Variants in SPTA1 observed in about 807,000 individuals in gnomAD.
SPTA1 encodes spectrin alpha chain, erythrocytic 1.
SPTA1 carries 177 observed loss-of-function variants against 324.7 expected under a neutral mutation model. That is an observed-to-expected ratio of 0.55 (90% CI 0.48 to 0.62). SPTA1 has a LOEUF of 0.62. Ranked by LOEUF, SPTA1 falls within the 20% of genes least tolerant of loss-of-function variation. The pLI is 0.00. For missense variants in SPTA1, 3,162 were observed against 2,883.6 expected (o/e 1.10, Z -2.21); for synonymous variants, 1,195 against 1,041.3 (o/e 1.15, Z -2.84).
intron 47 of SPTA1, among the ~76,000 whole-genome samples, chr1:158,616,279 T>C (rs1381848782): frequency 6.6e-6 from 1 of 152,214 alleles, no homozygotes; most frequent in African/African-American, 2.4e-5. Flanking sequence ...CTTCTAGCTA[T>C]TTTAAAATAT....
chr1:158,671,280 G>T, intron 12 of SPTA1, 63 bp downstream of exon 12: 1 of 1,167,374 alleles, frequency 8.6e-7, no homozygotes, highest in Non-Finnish European at 1.3e-6. Flanking sequence ...CTGGGGACAG[G>T]TATTGTGTAA....
chr1:158,677,838 C>A lies in SPTA1; in HGVS notation c.813-4G>T. On this transcript the variant is annotated splice_region_variant and splice_polypyrimidine_tract_variant and intron_variant, in intron 6 of 51. Coordinates refer to ENST00000643759, the MANE Select transcript of SPTA1 (RefSeq NM_003126.4). ...CTGGATGGCTTCAGTCACATCCCTG[C>A]AGTCATTAACAAGAGCTCCAACCAA... 2 of 1,613,520 alleles carry A rather than the reference C, an allele frequency of 1.2e-6. No homozygotes were observed. Among genetic ancestry groups the A allele is most frequent in the South Asian group, 2.2e-5 (2 of 91,060 alleles).
chr1:158,674,450 T>G lies in SPTA1; in HGVS notation c.1249-20A>C. ...CTCATGCTGTGGCCACAAAACAAAG[T>G]GTCTCAAAATGCAGCAAGAAACCTG... is the stretch of plus-strand genomic sequence containing the variant. On this transcript the variant is annotated intron_variant, in intron 9 of 51. Transcript: ENST00000643759. The G allele has an allele frequency of 6.2e-7, 1 of 1,613,996 alleles. No individual in the cohort carries two copies. Among genetic ancestry groups the G allele is most frequent in the Non-Finnish European group, 8.5e-7 (1 of 1,179,946 alleles).
At position 158,661,574 on chromosome 1, in the gene SPTA1, T is replaced by C. The variant is rs932102377; in HGVS notation, c.2465-165A>G. 4.7e-6 allele frequency: 4 copies of C among 859,204 alleles called. No homozygotes were observed. The African/African-American group carries it at 5.1e-5, about 11-fold the overall frequency. 53.2% of individuals were successfully genotyped at this position (859,204 alleles called of 1,614,324 possible). The stretch of plus-strand genomic sequence containing the variant: ...CATCTGTCTGATTTCACTCTACTTA[T>C]CTTTGTTCTTCCCCTGGCCTCTTTT... On this transcript the variant is annotated intron_variant, in intron 17 of 51. Coordinates refer to ENST00000643759, the MANE Select transcript of SPTA1 (RefSeq NM_003126.4).
chr1:158,683,890 G>C (rs781296256), intron 2 of SPTA1, among the ~76,000 whole-genome samples: 1 of 151,784 alleles, frequency 6.6e-6, no homozygotes, highest in Non-Finnish European at 1.5e-5. Context: ...GCCTGTTCTT[G>C]TAATCTATAA....
chr1:158,679,319 A>G (rs1274248031), intron 5 of SPTA1, among the ~76,000 whole-genome samples: 1 of 152,130 alleles, frequency 6.6e-6, no homozygotes, highest in Non-Finnish European at 1.5e-5. Context: ...TATTCTTTCT[A>G]TGATAGATTG....
At chr1:158,615,123 T>C in intron 48 of SPTA1, 93 bp downstream of exon 48, 1 of 1,451,870 alleles carries the variant, frequency 6.9e-7, no homozygotes, top group Non-Finnish European at 9.6e-7. Flanking sequence ...AGCAACTCTT[T>C]TATCTGGTGC....
intron 47 of SPTA1, among the ~76,000 whole-genome samples, chr1:158,615,871 A>C (rs1320290033): frequency 1.3e-5 from 2 of 152,164 alleles, no homozygotes; most frequent in African/African-American, 4.8e-5. Flanking sequence ...CTTAAGCTCC[A>C]CAGTGTTCAC....
chr1:158,635,321 C>T (rs970797014), intron 38 of SPTA1, among the ~76,000 whole-genome samples: 8 of 152,024 alleles, frequency 5.3e-5, no homozygotes, highest in Non-Finnish European at 8.8e-5. Flanking sequence ...TCCCCGCCCC[C>T]GCCCGCTCCC....
At chr1:158,644,010 G>A (rs1651809918) in intron 30 of SPTA1, among the ~76,000 whole-genome samples, 1 of 151,800 alleles carries the variant, frequency 6.6e-6, no homozygotes, top group Non-Finnish European at 1.5e-5. Context: ...GGTGGTGGGT[G>A]TCTGTAATCC....
At chr1:158,643,121 G>T in intron 31 of SPTA1, 145 bp from the exon 32 acceptor site, 1 of 1,315,510 alleles carries the variant, frequency 7.6e-7, no homozygotes, top group Non-Finnish European at 1.1e-6. Flanking sequence ...CAGTGCTAAA[G>T]CCAGTTAATT....
chr1:158,666,580 G>T, intron 15 of SPTA1, 83 bp from the exon 16 acceptor site: 2 of 1,187,764 alleles, frequency 1.7e-6, no homozygotes, highest in Non-Finnish European at 2.4e-6. Flanking sequence ...CCAATTGAAG[G>T]ATCAATATAG....
At chr1:158,659,399 T>C (rs1653041683) in intron 18 of SPTA1, among the ~76,000 whole-genome samples, 2 of 151,904 alleles carry the variant, frequency 1.3e-5, no homozygotes, top group South Asian at 4.2e-4. Flanking sequence ...CAAAATATCT[T>C]TTGCTTATAT....
chr1:158,639,309 TA>T (rs780909227), intron 35 of SPTA1: 12 of 463,696 alleles, frequency 2.6e-5, no homozygotes, highest in Non-Finnish European at 4.7e-5. Context: ...ACAATTGGCT[TA>T]TATGTATGCA....
At chr1:158,676,423 T>A in intron 7 of SPTA1, 128 bp from the exon 8 acceptor site, 3 of 959,206 alleles carry the variant, frequency 3.1e-6, no homozygotes, top group Non-Finnish European at 4.7e-6. Context: ...TGAATAGATT[T>A]CTATTAATAT....
Position 158,685,254 on chromosome 1 carries a change from C to A in SPTA1, c.118G>T (p.Glu40Ter). Residue 40 changes from glutamate to a stop codon, truncating the protein, a stop_gained, in exon 2 of 52, where the codon GAG (glutamate) becomes TAG (stop). Transcript: ENST00000643759. LOFTEE classifies it high-confidence loss of function. ...EVLTRYQSFK[E>*]RVAERGQKLE... ...TTCTGACCCCTCTCAGCGACCCGCT[C>A]CTTGAAACTTTGATACCGAGTCAAC... is the stretch of plus-strand genomic sequence containing the variant. 1 of 1,613,746 alleles carries A rather than the reference C, an allele frequency of 6.2e-7. No homozygotes were observed. The highest frequency in any genetic ancestry group is 8.5e-7 in the Non-Finnish European group (1 of 1,179,798).
intron 8 of SPTA1, 124 bp from the exon 9 acceptor site, chr1:158,674,799 C>A: frequency 7.6e-7 from 1 of 1,323,080 alleles, no homozygotes; most frequent in Non-Finnish European, 1.1e-6. Context: ...CCTAGGTTCC[C>A]TTTTTCCTGA....
At chr1:158,627,776 T>C (rs1030123745) in intron 39 of SPTA1, 53 bp from the exon 40 acceptor site, 1 of 1,533,674 alleles carries the variant, frequency 6.5e-7, no homozygotes, top group Non-Finnish European at 9.0e-7. Context: ...AAAATCTATA[T>C]TCACTCATAT....
chr1:158,643,414 G>T lies in SPTA1; in HGVS notation c.4350C>A (p.Ile1450=), dbSNP rs757971123. Residue 1450 remains isoleucine, a synonymous_variant, in exon 31 of 52, where the codon ATC becomes ATA. Transcript: ENST00000643759. ...DKAITAQEGK[I]TDLEHFAESL... is the part of the protein sequence containing the mutation. ...TCTCAGCAAAATGTTCTAGGTCAGTGATCTTCCCTTCCTAAATAAAGGAAA... is the reference window on the plus strand; with the variant it reads ...TCTCAGCAAAATGTTCTAGGTCAGTTATCTTCCCTTCCTAAATAAAGGAAA... 3.7e-6 allele frequency: 6 copies of T among 1,613,468 alleles called. No individual in the cohort carries two copies. In the African/African-American group the frequency reaches 5.3e-5, roughly 14 times the overall value.
Sources: allele counts gnomAD v4.1 joint callset (sites outside exome capture counted in the v4.1 genomes callset), GRCh38; gene constraint gnomAD v4.1.1; transcripts MANE v1.5; gene names NCBI Gene and HGNC (gene_info 2026-07-23, HGNC 2026-07-21).